The following KCNQ5 variants were observed in gnomAD, a reference collection of about 807,000 sequenced individuals.
KCNQ5 encodes potassium voltage-gated channel subfamily KQT member 5.
KCNQ5 carries 30 observed loss-of-function variants against 98.2 expected under a neutral mutation model. The ratio of observed to expected loss-of-function variants is 0.31; its 90% CI spans 0.23 to 0.41. The LOEUF (loss-of-function observed/expected upper bound fraction) is 0.41. Ranked by LOEUF, KCNQ5 falls within the 10% of genes least tolerant of loss-of-function variation. The pLI, the probability that KCNQ5 is intolerant of heterozygous loss-of-function variation, is 1.00. For missense variants in KCNQ5, 835 were observed against 1,182.5 expected (o/e 0.71, Z 4.31); for synonymous variants, 458 against 449.4 (o/e 1.02, Z -0.24).
chr6:72,828,370 T>G (rs547889717), intron 1 of KCNQ5, among the ~76,000 whole-genome samples: 3 of 152,306 alleles, frequency 2.0e-5, no homozygotes, highest in African/African-American at 7.2e-5. Flanking sequence ...CCATAGGATC[T>G]TTCCATTTGT....
chr6:73,124,364 C>A, intron 8 of KCNQ5, 122 bp from the exon 9 acceptor site: 1 of 816,716 alleles, frequency 1.2e-6, no homozygotes, highest in Non-Finnish European at 2.1e-6. Context: ...TTTTGTGGAT[C>A]TTGCATGAAA....
chr6:73,055,649 A>G, intron 3 of KCNQ5: 1 of 1,152,468 alleles, frequency 8.7e-7, no homozygotes, highest in Non-Finnish European at 1.3e-6. Context: ...AGCCCATGGC[A>G]ACAGCCTCTG....
chr6:72,728,963 T>G (rs1770419120), intron 1 of KCNQ5, among the ~76,000 whole-genome samples: 1 of 152,156 alleles, frequency 6.6e-6, no homozygotes, highest in South Asian at 2.1e-4. Flanking sequence ...TGAACATGTA[T>G]TTCCCAATAT....
intron 1 of KCNQ5, among the ~76,000 whole-genome samples, chr6:72,917,959 T>A (rs72943363): frequency 6.6e-6 from 1 of 152,152 alleles, no homozygotes; most frequent in Non-Finnish European, 1.5e-5. Flanking sequence ...TCTTGTAGGA[T>A]GTTTAGCAGC....
intron 1 of KCNQ5, among the ~76,000 whole-genome samples, chr6:72,774,807 G>T (rs1030444275): frequency 6.6e-6 from 1 of 152,200 alleles, no homozygotes; most frequent in Non-Finnish European, 1.5e-5. Context: ...ATCCACAGAT[G>T]AAAAAGATTG....
intron 1 of KCNQ5, among the ~76,000 whole-genome samples, chr6:72,709,688 C>CTAGA (rs1262653153): frequency 6.6e-6 from 1 of 152,214 alleles, no homozygotes; most frequent in Non-Finnish European, 1.5e-5. Flanking sequence ...GTGCTAGCCA[C>CTAGA]TAGATCTTAA....
At chr6:73,061,609 G>A (rs1022902883) in intron 3 of KCNQ5, among the ~76,000 whole-genome samples, 5 of 152,094 alleles carry the variant, frequency 3.3e-5, no homozygotes, top group African/African-American at 1.2e-4. Context: ...TCAGTTCTAG[G>A]CTGAAGTAAC....
chr6:73,152,099 G>GA (rs757104894), intron 10 of KCNQ5, among the ~76,000 whole-genome samples: 2 of 152,084 alleles, frequency 1.3e-5, no homozygotes, highest in Non-Finnish European at 2.9e-5. Flanking sequence ...CCATTTTGAT[G>GA]AAGTACATCC....
At chr6:72,727,558 G>C (rs1266806537) in intron 1 of KCNQ5, among the ~76,000 whole-genome samples, 1 of 151,868 alleles carries the variant, frequency 6.6e-6, no homozygotes, top group Admixed American at 6.6e-5. Context: ...ATATAGCAGT[G>C]ATTTACAATG....
intron 1 of KCNQ5, among the ~76,000 whole-genome samples, chr6:72,962,047 G>A (rs1190451918): frequency 6.6e-6 from 1 of 151,614 alleles, no homozygotes; most frequent in Non-Finnish European, 1.5e-5. Flanking sequence ...GTATGGTGGT[G>A]TGCACCTGTA....
chr6:72,726,459 C>T (rs534351527), intron 1 of KCNQ5, among the ~76,000 whole-genome samples: 250 of 152,164 alleles, frequency 1.6e-3, no homozygotes, highest in Non-Finnish European at 2.8e-3. Flanking sequence ...GTGATCCGCC[C>T]GCCTCGGCCT....
intron 1 of KCNQ5, among the ~76,000 whole-genome samples, chr6:72,653,065 A>C (rs1365824553): frequency 6.6e-6 from 1 of 151,992 alleles, no homozygotes; most frequent in East Asian, 1.9e-4. Flanking sequence ...ATTGCTTACT[A>C]TAGTTTGTTT....
At chr6:73,145,057 C>T (rs1442711732) in intron 10 of KCNQ5, among the ~76,000 whole-genome samples, 4 of 152,136 alleles carry the variant, frequency 2.6e-5, no homozygotes, top group Non-Finnish European at 1.5e-5. Flanking sequence ...AGCTTATTTG[C>T]TTTTAGTATT....
chr6:72,927,156 G>A (rs759511837), intron 1 of KCNQ5, among the ~76,000 whole-genome samples: 18 of 152,172 alleles, frequency 1.2e-4, no homozygotes, highest in Non-Finnish European at 2.4e-4. Context: ...GCATGAGGGG[G>A]AGGATTTATA....
At chr6:72,738,546 A>C (rs1770969149) in intron 1 of KCNQ5, among the ~76,000 whole-genome samples, 1 of 152,014 alleles carries the variant, frequency 6.6e-6, no homozygotes, top group Admixed American at 6.5e-5. Flanking sequence ...ATGTTTCTTT[A>C]TTTCTTTCTG....
chr6:73,171,891 G>C (rs1582484171), intron 11 of KCNQ5, among the ~76,000 whole-genome samples: 1 of 152,316 alleles, frequency 6.6e-6, no homozygotes, highest in East Asian at 1.9e-4. Flanking sequence ...CCCAGTTTAT[G>C]TCATTTCCCA....
intron 1 of KCNQ5, among the ~76,000 whole-genome samples, chr6:72,636,831 G>A (rs933405353): frequency 1.3e-5 from 2 of 152,126 alleles, no homozygotes; most frequent in African/African-American, 4.8e-5. Context: ...AATTGACTTA[G>A]GATAAAAGCA....
chr6:72,760,820 G>C (rs565950924), intron 1 of KCNQ5, among the ~76,000 whole-genome samples: 1 of 152,082 alleles, frequency 6.6e-6, no homozygotes, highest in Non-Finnish European at 1.5e-5. Context: ...AAGTACAGTA[G>C]TGTCTGTACT....
intron 1 of KCNQ5, among the ~76,000 whole-genome samples, chr6:72,812,887 G>A (rs186117580): frequency 9.9e-5 from 15 of 152,270 alleles, no homozygotes; most frequent in Admixed American, 9.2e-4. Flanking sequence ...CAAGTGAGGG[G>A]CATTTTAAAA....
Sources: allele counts gnomAD v4.1 joint callset (sites outside exome capture counted in the v4.1 genomes callset), GRCh38; gene constraint gnomAD v4.1.1; transcripts MANE v1.5; gene names NCBI Gene and HGNC (gene_info 2026-07-23, HGNC 2026-07-21).